The following MALRD1 variants were observed in gnomAD, a reference collection of about 807,000 sequenced individuals.
MALRD1 encodes MAM and LDL receptor class A domain containing 1.
In MALRD1, 247 loss-of-function variants were observed where a neutral mutation model predicts 242.1. The ratio of observed to expected loss-of-function variants is 1.02; its 90% CI spans 0.92 to 1.13. MALRD1 has a LOEUF of 1.13. MALRD1 is among the 50% of genes most tolerant of loss of function. MALRD1 has a pLI of 0.00. For synonymous variants in MALRD1, 995 were observed against 866.6 expected (o/e 1.15, Z -2.60); for missense variants, 2,989 against 2,533.1 (o/e 1.18, Z -3.86).
chr10:19,557,259 C>G (rs1246433302), intron 32 of MALRD1, among the ~76,000 whole-genome samples: 2 of 152,028 alleles, frequency 1.3e-5, no homozygotes, highest in Non-Finnish European at 2.9e-5. Flanking sequence ...ATTCTCCTAA[C>G]AGTGTCATTT....
At chr10:19,338,994 G>A (rs920151339) in intron 24 of MALRD1, among the ~76,000 whole-genome samples, 4 of 150,482 alleles carry the variant, frequency 2.7e-5, no homozygotes, top group African/African-American at 9.8e-5. Flanking sequence ...TATATAGTTA[G>A]ATTGAATTAA....
intron 36 of MALRD1, among the ~76,000 whole-genome samples, chr10:19,657,476 G>A (rs149106017): frequency 6.6e-6 from 1 of 152,210 alleles, no homozygotes; most frequent in African/African-American, 2.4e-5. Context: ...TCAAGAAGGA[G>A]CCCTCCCTAC....
At chr10:19,606,369 TGTATATGATACCGTTAA>T (rs932857391) in intron 34 of MALRD1, among the ~76,000 whole-genome samples, 6 of 152,126 alleles carry the variant, frequency 3.9e-5, no homozygotes, top group African/African-American at 1.4e-4. Flanking sequence ...AATGAGAAGT[TGTATATGATACCGTTAA>T]GTAAATCAGA....
intron 18 of MALRD1, among the ~76,000 whole-genome samples, chr10:19,237,619 ATTATATAATTATAATTATATATAAATT>A (rs1430523398): frequency 0.072 from 1,478 of 20,476 alleles, 69 homozygotes; most frequent in East Asian, 0.5. Flanking sequence ...TAATTATATA[ATTATATAATTATAATTATATATAAATT>A]ATTATAATTA....
intron 26 of MALRD1, among the ~76,000 whole-genome samples, chr10:19,354,012 C>A (rs917145366): frequency 6.6e-6 from 1 of 151,786 alleles, no homozygotes; most frequent in African/African-American, 2.4e-5. Flanking sequence ...CAGGCATGAG[C>A]CACATGCCCG....
intron 19 of MALRD1, among the ~76,000 whole-genome samples, chr10:19,270,895 A>G (rs981375050): frequency 3.3e-5 from 5 of 152,004 alleles, no homozygotes; most frequent in African/African-American, 9.7e-5. Context: ...AGTTCAGACA[A>G]ATGAACTATG....
chr10:19,133,777 G>A (rs7921495), intron 8 of MALRD1, 79 bp from the exon 9 acceptor site: 5,829 of 536,632 alleles, frequency 0.011, 169 homozygotes, highest in African/African-American at 0.078. Context: ...ACCTACTACA[G>A]TGTAATTAAA....
At chr10:19,296,647 G>C (rs1841715520) in intron 21 of MALRD1, among the ~76,000 whole-genome samples, 1 of 152,028 alleles carries the variant, frequency 6.6e-6, no homozygotes, top group Admixed American at 6.6e-5. Context: ...AGTTGGGACT[G>C]GTTTATGAAG....
chr10:19,115,421 A>C (rs1338592271), intron 5 of MALRD1, among the ~76,000 whole-genome samples: 1 of 152,008 alleles, frequency 6.6e-6, no homozygotes, highest in Non-Finnish European at 1.5e-5. Flanking sequence ...CGAAGTTAAA[A>C]TAAAAGCTTT....
chr10:19,204,170 G>A, intron 15 of MALRD1, 138 bp from the exon 16 acceptor site: 1 of 674,984 alleles, frequency 1.5e-6, no homozygotes, highest in East Asian at 2.7e-5. Flanking sequence ...ATTTGACTAA[G>A]AGTCACTGAT....
At chr10:19,610,527 A>G (rs772556827) in intron 35 of MALRD1, among the ~76,000 whole-genome samples, 10 of 151,990 alleles carry the variant, frequency 6.6e-5, no homozygotes, top group South Asian at 4.1e-4. Flanking sequence ...TTGTTGCACA[A>G]AATCTTCGGG....
intron 36 of MALRD1, among the ~76,000 whole-genome samples, chr10:19,662,814 A>C (rs1213580485): frequency 6.6e-6 from 1 of 152,160 alleles, no homozygotes; most frequent in African/African-American, 2.4e-5. Context: ...TGAATCAAAA[A>C]TCTGAAAACT....
At chr10:19,620,064 A>T (rs1421889274) in intron 36 of MALRD1, among the ~76,000 whole-genome samples, 1 of 151,880 alleles carries the variant, frequency 6.6e-6, no homozygotes. Flanking sequence ...GCAGAAAAAG[A>T]TTAATAATAT....
intron 28 of MALRD1, among the ~76,000 whole-genome samples, chr10:19,417,721 C>G (rs1833564235): frequency 6.6e-6 from 1 of 152,128 alleles, no homozygotes; most frequent in Non-Finnish European, 1.5e-5. Context: ...TTTCCTTAGA[C>G]TGAGATCATT....
chr10:19,247,888 A>G (rs528410034), intron 18 of MALRD1, among the ~76,000 whole-genome samples: 169 of 152,168 alleles, frequency 1.1e-3, no homozygotes, highest in African/African-American at 3.7e-3. Flanking sequence ...AAGATTCACG[A>G]ATTGGGCAGC....
At chr10:19,219,873 A>G (rs1179989497) in intron 18 of MALRD1, among the ~76,000 whole-genome samples, 1 of 152,166 alleles carries the variant, frequency 6.6e-6, no homozygotes, top group Non-Finnish European at 1.5e-5. Flanking sequence ...TGATCAGCAG[A>G]TATTCCATTT....
chr10:19,466,382 C>A (rs1005713337), intron 29 of MALRD1, among the ~76,000 whole-genome samples: 8 of 152,030 alleles, frequency 5.3e-5, no homozygotes, highest in African/African-American at 1.9e-4. Flanking sequence ...GCTAAAGAAG[C>A]CCCCTAAAAT....
chr10:19,649,151 G>T (rs1840765562), intron 36 of MALRD1, among the ~76,000 whole-genome samples: 1 of 152,140 alleles, frequency 6.6e-6, no homozygotes, highest in Non-Finnish European at 1.5e-5. Context: ...TGGGCATTTA[G>T]GTGGATTCCA....
intron 28 of MALRD1, 67 bp downstream of exon 28, chr10:19,389,676 G>A: frequency 6.8e-7 from 1 of 1,460,594 alleles, no homozygotes; most frequent in Non-Finnish European, 9.2e-7. Context: ...GTCTTGCTCT[G>A]TCACTCAGGC....
Sources: allele counts gnomAD v4.1 joint callset (sites outside exome capture counted in the v4.1 genomes callset), GRCh38; gene constraint gnomAD v4.1.1; transcripts MANE v1.5; gene names NCBI Gene and HGNC (gene_info 2026-07-23, HGNC 2026-07-21).